Variants in CDC27 observed in about 807,000 individuals in gnomAD.
The protein encoded by CDC27 is cell division cycle protein 27 homolog.
Under a neutral mutation model 109.7 loss-of-function variants are expected in CDC27, and 27 were observed. The observed-to-expected ratio is 0.25, with a 90% CI of 0.18 to 0.34. The LOEUF is 0.34. Ranked by LOEUF, CDC27 falls within the 10% of genes least tolerant of loss-of-function variation. The probability of loss-of-function intolerance (pLI) is 1.00; values close to 1 mark genes in which losing one functional copy is unlikely to be tolerated. For synonymous variants in CDC27, 266 were observed against 333.9 expected, an observed-to-expected ratio of 0.80 and a Z score of 2.22; for missense variants, 579 against 960.2, an observed-to-expected ratio of 0.60 and a Z score of 5.25.
At chr17:47,178,600 G>C (rs1361527293) in intron 2 of CDC27, among the ~76,000 whole-genome samples, 2 of 151,016 alleles carry the variant, frequency 1.3e-5, no homozygotes, top group Non-Finnish European at 2.9e-5. Flanking sequence ...GGATATGTTA[G>C]GGGAGAGGGA....
intron 14 of CDC27, among the ~76,000 whole-genome samples, chr17:47,136,300 A>C (rs1464129796): frequency 1.3e-5 from 2 of 152,234 alleles, no homozygotes; most frequent in African/African-American, 4.8e-5. Flanking sequence ...TGTAACTACT[A>C]CTGCAAAATG....
At chr17:47,159,626 G>T in intron 4 of CDC27, 1 of 463,090 alleles carries the variant, frequency 2.2e-6, no homozygotes, top group East Asian at 4.5e-5. Flanking sequence ...CCTGCAGATG[G>T]CAGTGGCCAC....
intron 1 of CDC27, among the ~76,000 whole-genome samples, chr17:47,182,266 T>C (rs779135723): frequency 6.6e-6 from 1 of 152,222 alleles, no homozygotes; most frequent in Non-Finnish European, 1.5e-5. Context: ...GAATAACTTT[T>C]AATTTTTTGA....
At chr17:47,129,076 A>G (rs543730301) in intron 16 of CDC27, among the ~76,000 whole-genome samples, 22 of 152,184 alleles carry the variant, frequency 1.4e-4, no homozygotes, top group Non-Finnish European at 2.8e-4. Context: ...TGGCCCATAC[A>G]TTCATTTTCA....
intron 1 of CDC27, among the ~76,000 whole-genome samples, chr17:47,183,026 A>C (rs887464685): frequency 2.0e-5 from 3 of 152,206 alleles, no homozygotes; most frequent in Non-Finnish European, 4.4e-5. Flanking sequence ...TCAAAAAAAC[A>C]CAAAAAAGAA....
intron 14 of CDC27, among the ~76,000 whole-genome samples, chr17:47,133,753 T>A (rs915124014): frequency 6.6e-6 from 1 of 151,810 alleles, no homozygotes; most frequent in Non-Finnish European, 1.5e-5. Context: ...CTACATATAT[T>A]TTTTTTCTTT....
chr17:47,142,498 C>T, intron 10 of CDC27, 62 bp from the exon 11 acceptor site: 1 of 634,658 alleles, frequency 1.6e-6, no homozygotes, highest in East Asian at 2.8e-5. Context: ...CTCCTCAGCC[C>T]TTTCTCCAGT....
chr17:47,161,058 TTTC>T (rs912223533), intron 4 of CDC27: 1 of 151,132 alleles, frequency 6.6e-6, no homozygotes, highest in Non-Finnish European at 1.5e-5. Flanking sequence ...CAAAAATTTC[TTTC>T]TTTTTTTTTT....
At chr17:47,175,715 T>C (rs1013481704) in intron 2 of CDC27, among the ~76,000 whole-genome samples, 2 of 151,990 alleles carry the variant, frequency 1.3e-5, no homozygotes, top group Admixed American at 6.6e-5. Flanking sequence ...TCTTGGGAGG[T>C]AGAGGTACAA....
chr17:47,139,034 C>A lies in CDC27; in HGVS notation c.1552-143G>T. On this transcript the variant is annotated intron_variant, in intron 12 of 18. Coordinates refer to ENST00000066544, the MANE Select transcript of CDC27 (RefSeq NM_001256.6). ...ATGTGAATGAGTATTAACACAAGGA[C>A]AAATTCAGCAATCTACTATGGCAGG... 3 of 538,604 alleles carry A rather than the reference C, an allele frequency of 5.6e-6. No individual in the cohort carries two copies. The South Asian group carries it at 9.6e-5, about 17-fold the overall frequency. 33.4% of individuals were successfully genotyped at this position (538,604 alleles called of 1,614,324 possible).
chr17:47,133,026 T>TACACACAC (rs1401784751), intron 14 of CDC27, among the ~76,000 whole-genome samples: 16 of 32,362 alleles, frequency 4.9e-4, no homozygotes, highest in East Asian at 2.7e-3. Context: ...TATATATATA[T>TACACACAC]ATACACACAC....
chr17:47,159,561 C>T (rs926004255), intron 4 of CDC27: 1 of 486,980 alleles, frequency 2.1e-6, no homozygotes, highest in Non-Finnish European at 3.7e-6. Context: ...ATCTTGTTCC[C>T]CCAGTAGCCT....
chr17:47,175,669 A>C (rs2063978785), intron 2 of CDC27, among the ~76,000 whole-genome samples: 1 of 152,174 alleles, frequency 6.6e-6, no homozygotes, highest in African/African-American at 2.4e-5. Flanking sequence ...TACAAAAATT[A>C]ATCAGGCATA....
chr17:47,164,163 G>A lies in CDC27; in HGVS notation c.377+5754C>T, dbSNP rs112357254. Among the ~76,000 whole-genome samples, 208 of 152,262 alleles carry A rather than the reference G, an allele frequency of 1.4e-3. 1 individual carries two copies. Among genetic ancestry groups the A allele is most frequent in the African/African-American group, 4.7e-3 (196 of 41,546 alleles). ...ATAACTGCCTACAGTATTCAGTAAG[G>A]TAACATGCTGTACAGGTTTGTGGCC... is the stretch of plus-strand genomic sequence containing the variant. On this transcript the variant is annotated intron_variant, in intron 4 of 18. Transcript: ENST00000066544.
intron 9 of CDC27, among the ~76,000 whole-genome samples, chr17:47,150,115 G>A (rs2063111191): frequency 6.6e-6 from 1 of 152,172 alleles, no homozygotes; most frequent in South Asian, 2.1e-4. Context: ...GAGCACGAAA[G>A]TATACTATTG....
intron 1 of CDC27, among the ~76,000 whole-genome samples, chr17:47,183,866 G>A (rs1244179670): frequency 3.3e-5 from 5 of 152,126 alleles, no homozygotes; most frequent in Admixed American, 6.5e-5. Flanking sequence ...ACTCTTGTAC[G>A]TTAGTCTTAG....
chr17:47,141,505 A>G (rs1286986960), intron 12 of CDC27, among the ~76,000 whole-genome samples: 2 of 152,138 alleles, frequency 1.3e-5, no homozygotes, highest in African/African-American at 4.8e-5. Context: ...TCAAAAATTC[A>G]CCCCAGTAAT....
intron 7 of CDC27, among the ~76,000 whole-genome samples, chr17:47,155,478 T>G (rs2063277036): frequency 1.3e-5 from 2 of 152,132 alleles, no homozygotes; most frequent in African/African-American, 4.8e-5. Flanking sequence ...GCTCCTGGTC[T>G]CAAGTGATCT....
At chr17:47,151,236 T>C (rs1039252031) in intron 9 of CDC27, among the ~76,000 whole-genome samples, 8 of 152,304 alleles carry the variant, frequency 5.3e-5, no homozygotes, top group East Asian at 1.9e-4. Context: ...TACAGGAACA[T>C]AGAGGTCTTT....
Sources: gnomAD v4.1 joint callset for allele counts (sites outside exome capture counted in the v4.1 genomes callset) on GRCh38, gnomAD v4.1.1 for gene constraint, MANE v1.5 for transcripts, NCBI Gene and HGNC (gene_info 2026-07-23, HGNC 2026-07-21) for gene names.